The following AASDHPPT variants were observed in gnomAD, a reference collection of about 807,000 sequenced individuals.
AASDHPPT encodes the protein L-aminoadipate-semialdehyde dehydrogenase-phosphopantetheinyl transferase.
A neutral mutation model predicts 36.4 loss-of-function variants in AASDHPPT; 23 were observed. That is an observed-to-expected ratio of 0.63 (90% CI 0.45 to 0.89). The LOEUF is 0.89. AASDHPPT is among the 40% of genes least tolerant of loss of function. The probability of loss-of-function intolerance (pLI) is 0.00; values close to 1 mark genes in which losing one functional copy is unlikely to be tolerated. For synonymous variants in AASDHPPT, 115 were observed against 128.0 expected (o/e 0.90, Z 0.68); for missense variants, 377 against 378.2 (o/e 1.00, Z 0.03).
At chr11:106,091,514 T>A in intron 4 of AASDHPPT, 37 bp downstream of exon 4, 4 of 1,537,576 alleles carry the variant, frequency 2.6e-6, no homozygotes, top group Non-Finnish European at 3.5e-6. Flanking sequence ...ACTAAGAATT[T>A]CTATTTTTTA....
intron 2 of AASDHPPT, among the ~76,000 whole-genome samples, chr11:106,087,400 T>G (rs7934598): frequency 6.6e-6 from 1 of 152,032 alleles, no homozygotes; most frequent in Middle Eastern, 3.2e-3. Context: ...ATATACAGTT[T>G]AGTACTTAGA....
At chr11:106,085,733 AGTACTT>A (rs2135039600) in intron 2 of AASDHPPT, among the ~76,000 whole-genome samples, 1 of 152,368 alleles carries the variant, frequency 6.6e-6, no homozygotes, top group Non-Finnish European at 1.5e-5. Context: ...ATATTTATTA[AGTACTT>A]GATAGTTCCA....
chr11:106,085,655 C>T (rs1203169373), intron 2 of AASDHPPT, among the ~76,000 whole-genome samples: 2 of 152,174 alleles, frequency 1.3e-5, no homozygotes, highest in Non-Finnish European at 2.9e-5. Context: ...ATAGGAAGGA[C>T]TTTATAAAAA....
At chr11:106,094,491 G>C (rs113357961) in intron 4 of AASDHPPT, 92 bp from the exon 5 acceptor site, 1 of 874,146 alleles carries the variant, frequency 1.1e-6, no homozygotes, top group Non-Finnish European at 1.7e-6. Flanking sequence ...TATATATAGA[G>C]AGAGAGAGAA....
chr11:106,091,619 T>C, intron 4 of AASDHPPT, 142 bp downstream of exon 4: 1 of 730,464 alleles, frequency 1.4e-6, no homozygotes. Flanking sequence ...TCAGGGCTAC[T>C]ATGAGAGCAT....
chr11:106,091,733 C>G (rs1478335177), intron 4 of AASDHPPT: 2 of 284,614 alleles, frequency 7.0e-6, no homozygotes, highest in Non-Finnish European at 6.4e-6. Context: ...CATGTATGAA[C>G]AGCCAAACGC....
rs539610190 is a variant in AASDHPPT at position 106,086,933 on chromosome 11, C to T, written c.410-3624C>T. On this transcript the variant is annotated intron_variant, in intron 2 of 5. Transcript: ENST00000278618. ...TTCAAAGCCTGAAAATAAAAGGCTT[C>T]ATGCTCTGTCCTCTTGGTCCTCTTC... Among the ~76,000 whole-genome samples, 7 of 152,352 alleles carry T rather than the reference C, an allele frequency of 4.6e-5. No homozygotes were observed. In the East Asian group the frequency reaches 1.2e-3, roughly 25 times the overall value.
chr11:106,090,791 G>T, intron 3 of AASDHPPT, 113 bp downstream of exon 3: 2 of 1,364,260 alleles, frequency 1.5e-6, no homozygotes, highest in South Asian at 3.1e-5. Flanking sequence ...GAAGTAAATG[G>T]GTGATTGCTT....
intron 2 of AASDHPPT, among the ~76,000 whole-genome samples, chr11:106,088,811 A>G (rs1432645416): frequency 3.3e-5 from 5 of 152,102 alleles, no homozygotes; most frequent in South Asian, 2.1e-4. Flanking sequence ...TAAGATCACA[A>G]TTTAATATTT....
At chr11:106,083,484 T>C (rs182585542) in intron 2 of AASDHPPT, among the ~76,000 whole-genome samples, 174 of 152,316 alleles carry the variant, frequency 1.1e-3, no homozygotes, top group Non-Finnish European at 1.8e-3. Context: ...TCTGTGAAAC[T>C]GGGTTACATA....
intron 2 of AASDHPPT, among the ~76,000 whole-genome samples, chr11:106,082,584 G>A (rs1861155401): frequency 1.3e-5 from 2 of 152,132 alleles, no homozygotes; most frequent in East Asian, 1.9e-4. Flanking sequence ...AATCCACTAG[G>A]AACTCAGAGA....
intron 3 of AASDHPPT, among the ~76,000 whole-genome samples, 197 bp downstream of exon 3, chr11:106,090,875 T>C (rs1420521154): frequency 7.9e-6 from 1 of 127,234 alleles, no homozygotes; most frequent in Non-Finnish European, 1.8e-5. Flanking sequence ...TTAACCTATA[T>C]GTAATGCTCA....
chr11:106,092,748 C>T (rs1340258706), intron 4 of AASDHPPT: 2 of 147,562 alleles, frequency 1.4e-5, no homozygotes, highest in Non-Finnish European at 3.0e-5. Context: ...GCAGAACCCA[C>T]GCAACCATTC....
chr11:106,078,034 C>G, intron 1 of AASDHPPT, 141 bp downstream of exon 1: 1 of 1,147,270 alleles, frequency 8.7e-7, no homozygotes, highest in Non-Finnish European at 1.2e-6. Flanking sequence ...CGACAGCAGC[C>G]GGCGCTGCGG....
chr11:106,089,054 CTG>C (rs772053744), intron 2 of AASDHPPT, among the ~76,000 whole-genome samples: 47 of 152,162 alleles, frequency 3.1e-4, no homozygotes, highest in Non-Finnish European at 5.9e-4. Context: ...TGTAAACTCT[CTG>C]TGAAGATAAG....
At position 106,089,926 on chromosome 11, in the gene AASDHPPT, G is replaced by A. The variant is rs560144798; in HGVS notation, c.410-631G>A. Among the ~76,000 whole-genome samples the A allele has an allele frequency of 2.6e-5, 4 of 152,086 alleles. No individual in the cohort carries two copies. The South Asian group carries it at 6.2e-4, about 24-fold the overall frequency. On this transcript the variant is annotated intron_variant, in intron 2 of 5. Transcript: ENST00000278618. The stretch of plus-strand genomic sequence containing the variant: ...TTATTTTGCAACTGCAACCACGAAA[G>A]AGTAATGAAAATCTTTTTATTTGAA...
At chr11:106,094,370 C>T (rs1861290751) in intron 4 of AASDHPPT, 1 of 367,932 alleles carries the variant, frequency 2.7e-6, no homozygotes, top group East Asian at 4.3e-5. Context: ...CTAGGAAATA[C>T]ATGTTGAAGT....
At chr11:106,082,284 A>G (rs1364621380) in intron 2 of AASDHPPT, among the ~76,000 whole-genome samples, 2 of 152,190 alleles carry the variant, frequency 1.3e-5, no homozygotes, top group Non-Finnish European at 1.5e-5. Context: ...CAATGGACAC[A>G]GCATGATTTC....
rs763148622 is a variant in AASDHPPT at position 106,090,645 on chromosome 11, G to A, written c.498G>A (p.Glu166=). 1.3e-6 allele frequency: 2 copies of A among 1,597,422 alleles called. No homozygotes were observed. Among genetic ancestry groups the A allele is most frequent in the Non-Finnish European group, 1.7e-6 (2 of 1,172,800 alleles). The part of the protein sequence containing the change: ...EWETIRSFKD[E]WTQLDMFYRN... ...AAACAATCAGAAGCTTTAAGGATGAGTGGACTCAGCTGGATATGTTTTATA... is the reference window on the plus strand; with the variant it reads ...AAACAATCAGAAGCTTTAAGGATGAATGGACTCAGCTGGATATGTTTTATA... The change falls in exon 3 of 6, where the codon GAG becomes GAA. Residue 166 remains glutamate (E), a synonymous_variant. Transcript: ENST00000278618.
Sources: allele counts gnomAD v4.1 joint callset (sites outside exome capture counted in the v4.1 genomes callset), GRCh38; gene constraint gnomAD v4.1.1; transcripts MANE v1.5; gene names NCBI Gene and HGNC (gene_info 2026-07-23, HGNC 2026-07-21).